The following PARD3B variants were observed in gnomAD, a reference collection of about 807,000 sequenced individuals.
The protein encoded by PARD3B is par-3 family cell polarity regulator beta.
A neutral mutation model predicts 130.2 loss-of-function variants in PARD3B; 103 were observed. The ratio of observed to expected loss-of-function variants is 0.79; its 90% confidence interval spans 0.67 to 0.93. PARD3B has a LOEUF of 0.93. Among genes scored for constraint, PARD3B ranks in the 40% least tolerant of loss-of-function variants. The probability of loss-of-function intolerance (pLI) is 0.00; values close to 1 mark genes in which losing one functional copy is unlikely to be tolerated. For synonymous variants in PARD3B, 583 were observed against 553.2 expected (o/e 1.05, Z -0.76); for missense variants, 1,609 against 1,499.2 (o/e 1.07, Z -1.21).
At chr2:205,386,180 T>C (rs2045654483) in intron 18 of PARD3B, among the ~76,000 whole-genome samples, 1 of 152,200 alleles carries the variant, frequency 6.6e-6, no homozygotes, top group Admixed American at 6.5e-5. Flanking sequence ...TCAACAAAAC[T>C]GGCATTGAGC....
At chr2:205,165,244 A>G (rs1281290268) in intron 11 of PARD3B, among the ~76,000 whole-genome samples, 1 of 152,204 alleles carries the variant, frequency 6.6e-6, no homozygotes, top group Non-Finnish European at 1.5e-5. Context: ...ATGACAGGAA[A>G]GAAAAAAGTG....
intron 2 of PARD3B, among the ~76,000 whole-genome samples, chr2:204,751,139 C>A (rs1419453338): frequency 1.3e-5 from 2 of 151,950 alleles, no homozygotes; most frequent in African/African-American, 4.8e-5. Flanking sequence ...GCTGAAATAT[C>A]TTTCTGAAGA....
At chr2:204,903,970 C>T (rs1444978529) in intron 2 of PARD3B, among the ~76,000 whole-genome samples, 2 of 152,092 alleles carry the variant, frequency 1.3e-5, no homozygotes, top group African/African-American at 4.8e-5. Flanking sequence ...CTGAGATATC[C>T]CGTTTGCTAT....
chr2:205,565,829 C>G (rs2106532394), intron 22 of PARD3B, among the ~76,000 whole-genome samples: 1 of 151,560 alleles, frequency 6.6e-6, no homozygotes, highest in South Asian at 2.1e-4. Context: ...CAGTTTCTGT[C>G]CTGTGAAGTT....
intron 20 of PARD3B, among the ~76,000 whole-genome samples, chr2:205,477,832 A>G (rs957094158): frequency 6.6e-6 from 1 of 152,246 alleles, no homozygotes; most frequent in Non-Finnish European, 1.5e-5. Context: ...ATGTGCTTGG[A>G]TAAAGCTTTT....
At chr2:204,715,784 C>T (rs918524894) in intron 2 of PARD3B, among the ~76,000 whole-genome samples, 6 of 152,152 alleles carry the variant, frequency 3.9e-5, no homozygotes, top group Non-Finnish European at 4.4e-5. Flanking sequence ...GTTATACTCC[C>T]GTACATCTTC....
chr2:204,843,035 G>A, intron 2 of PARD3B, among the ~76,000 whole-genome samples: 1 of 152,064 alleles, frequency 6.6e-6, no homozygotes, highest in East Asian at 1.9e-4. Context: ...GCGTGTCTGG[G>A]CCCTCCTGGC....
Position 205,590,565 on chromosome 2 carries a change from G to T in PARD3B, c.3261-24891G>T, listed in dbSNP as rs2054351251. Among the ~76,000 whole-genome samples, 1 of 152,164 alleles carries T rather than the reference G, an allele frequency of 6.6e-6. No homozygotes were observed. ...GGGTCACATGCCCCTCTGGAGTCCA[G>T]AGTGGAGTCATTCCACCTGAACCAC... On this transcript the variant is annotated intron_variant, in intron 22 of 22. Transcript: ENST00000406610. The surrounding 1 kb of genome is among the most constrained non-coding windows in gnomAD (Gnocchi z 4.1).
chr2:204,745,342 T>C (rs1190211502), intron 2 of PARD3B, among the ~76,000 whole-genome samples: 1 of 152,110 alleles, frequency 6.6e-6, no homozygotes, highest in Non-Finnish European at 1.5e-5. Context: ...TGCCAAACAG[T>C]GTAACAGATT....
chr2:205,499,417 C>T (rs1194674293), intron 20 of PARD3B, among the ~76,000 whole-genome samples: 1 of 151,962 alleles, frequency 6.6e-6, no homozygotes, highest in Admixed American at 6.6e-5. Context: ...TGTATCCCAT[C>T]CCCAACCCCC....
intron 2 of PARD3B, among the ~76,000 whole-genome samples, chr2:204,948,371 A>G (rs919945787): frequency 3.3e-5 from 5 of 152,232 alleles, no homozygotes; most frequent in African/African-American, 9.6e-5. Context: ...TTTTCTCCCC[A>G]TAAGCTAGAA....
intron 5 of PARD3B, among the ~76,000 whole-genome samples, chr2:205,112,085 C>G (rs1053700443): frequency 1.3e-5 from 2 of 151,914 alleles, no homozygotes; most frequent in Non-Finnish European, 2.9e-5. Context: ...TCATTTAATA[C>G]TATATTATCA....
intron 1 of PARD3B, among the ~76,000 whole-genome samples, chr2:204,670,399 A>G (rs560653657): frequency 2.6e-4 from 40 of 152,170 alleles, no homozygotes; most frequent in African/African-American, 9.1e-4. Context: ...TGACAAAAAC[A>G]GTGGTCCAAT....
intron 1 of PARD3B, among the ~76,000 whole-genome samples, chr2:204,656,791 T>A (rs1485880567): frequency 6.6e-6 from 1 of 152,200 alleles, no homozygotes; most frequent in Non-Finnish European, 1.5e-5. Context: ...GTGCAAATAG[T>A]GAGAGCAAAT....
intron 2 of PARD3B, among the ~76,000 whole-genome samples, chr2:204,794,354 T>C (rs1364227344): frequency 1.3e-5 from 2 of 152,214 alleles, no homozygotes; most frequent in Non-Finnish European, 2.9e-5. Flanking sequence ...GAAAGTAACG[T>C]GAACCCTTGA....
At chr2:204,879,366 G>A (rs2045957066) in intron 2 of PARD3B, among the ~76,000 whole-genome samples, 1 of 152,184 alleles carries the variant, frequency 6.6e-6, no homozygotes, top group Admixed American at 6.5e-5. Flanking sequence ...AAACTGAAAT[G>A]TCTTGATTTA....
At chr2:205,319,499 T>A (rs143670726) in intron 18 of PARD3B, among the ~76,000 whole-genome samples, 1 of 152,352 alleles carries the variant, frequency 6.6e-6, no homozygotes, top group East Asian at 1.9e-4. Context: ...TTGCCTTCCT[T>A]ACTGCTATGG....
chr2:205,107,921 C>T lies in PARD3B; in HGVS notation c.593+3407C>T, dbSNP rs1444928302. ...AAGCAATATGTACAAAAGACCTTCA[C>T]CTCATCCCTAATTCCTATCTCATTT... On this transcript the variant is annotated intron_variant, in intron 5 of 22. Transcript: ENST00000406610. Among the ~76,000 whole-genome samples, 4 of 152,136 alleles carry T rather than the reference C, an allele frequency of 2.6e-5. No individual in the cohort carries two copies. In the East Asian group the frequency reaches 7.7e-4, roughly 29 times the overall value.
At position 204,602,336 on chromosome 2, in the gene PARD3B, C is replaced by T. The variant is rs190657682; in HGVS notation, c.120+56217C>T. 2.2e-3 allele frequency among the ~76,000 whole-genome samples: 329 copies of T among 151,946 alleles called. 1 individual carries two copies. The highest frequency in any genetic ancestry group is 3.8e-3 in the Non-Finnish European group (257 of 67,888). On this transcript the variant is annotated intron_variant, in intron 1 of 22. Coordinates refer to ENST00000406610, the MANE Select transcript of PARD3B (RefSeq NM_001302769.2). ...CCAAGATGTGCTCATTTTATTTGAC[C>T]GTCTTTTAATTTTCAGTCTCTTAAT...
Sources: gnomAD v4.1 joint callset for allele counts (sites outside exome capture counted in the v4.1 genomes callset) on GRCh38, gnomAD v4.1.1 for gene constraint, Gnocchi (gnomAD v3.1) non-coding constraint, MANE v1.5 for transcripts, NCBI Gene and HGNC (gene_info 2026-07-23, HGNC 2026-07-21) for gene names.